CNTNAP5: variants seen among roughly 807,000 people sequenced by gnomAD.
CNTNAP5 encodes contactin-associated protein-like 5.
A neutral mutation model predicts 150.2 loss-of-function variants in CNTNAP5; 72 were observed. That is an observed-to-expected ratio of 0.48 (90% CI 0.40 to 0.58). CNTNAP5 has a LOEUF of 0.58. Ranked by LOEUF, CNTNAP5 falls within the 20% of genes least tolerant of loss-of-function variation. CNTNAP5 has a pLI of 0.00. For missense variants in CNTNAP5, 1,636 were observed against 1,626.2 expected (o/e 1.01, Z -0.10); for synonymous variants, 672 against 619.8 (o/e 1.08, Z -1.25).
intron 1 of CNTNAP5, among the ~76,000 whole-genome samples, chr2:124,198,794 C>T (rs546473311): frequency 1.3e-5 from 2 of 150,216 alleles, no homozygotes; most frequent in African/African-American, 4.9e-5. Flanking sequence ...ACAATTAAAC[C>T]TTTAGTCTAT....
intron 3 of CNTNAP5, among the ~76,000 whole-genome samples, chr2:124,270,899 G>A (rs759453933): frequency 3.9e-5 from 6 of 151,982 alleles, no homozygotes; most frequent in South Asian, 2.1e-4. Flanking sequence ...ATCACACTAC[G>A]TGCCCCCATG....
At chr2:124,419,247 T>G (rs1430796673) in intron 4 of CNTNAP5, among the ~76,000 whole-genome samples, 1 of 151,560 alleles carries the variant, frequency 6.6e-6, no homozygotes, top group East Asian at 1.9e-4. Context: ...ATCTTATTAC[T>G]CTTTAACATG....
At chr2:124,388,830 A>T (rs1691002204) in intron 3 of CNTNAP5, among the ~76,000 whole-genome samples, 1 of 151,900 alleles carries the variant, frequency 6.6e-6, no homozygotes, top group Non-Finnish European at 1.5e-5. Context: ...GTGGGTGCCC[A>T]TTGTCATGCC....
intron 7 of CNTNAP5, among the ~76,000 whole-genome samples, chr2:124,497,036 CA>C (rs1211657610): frequency 2.6e-5 from 4 of 152,174 alleles, no homozygotes; most frequent in African/African-American, 9.7e-5. Flanking sequence ...AGCTGGTAAG[CA>C]GTGTTTGAAG....
At chr2:124,899,454 T>C (rs867318392) in intron 21 of CNTNAP5, among the ~76,000 whole-genome samples, 1 of 151,544 alleles carries the variant, frequency 6.6e-6, no homozygotes, top group Admixed American at 6.6e-5. Context: ...GAACCTTATT[T>C]TGATGATATT....
intron 10 of CNTNAP5, among the ~76,000 whole-genome samples, chr2:124,558,898 C>T (rs1695823277): frequency 1.3e-5 from 2 of 152,210 alleles, no homozygotes; most frequent in African/African-American, 2.4e-5. Context: ...AGTTTACATA[C>T]TCAGAAATGT....
chr2:124,353,272 C>T (rs1003515177), intron 3 of CNTNAP5, among the ~76,000 whole-genome samples: 1 of 26,714 alleles, frequency 3.7e-5, no homozygotes, highest in Non-Finnish European at 7.4e-5. Context: ...CTCACTAAAA[C>T]AACAAAAACA....
intron 21 of CNTNAP5, among the ~76,000 whole-genome samples, chr2:124,894,531 G>T (rs1322034910): frequency 6.6e-6 from 1 of 150,642 alleles, no homozygotes; most frequent in Non-Finnish European, 1.5e-5. Flanking sequence ...TGCAAATCCT[G>T]CTGTTTTTTA....
In CNTNAP5 at chr2:124,475,176, G is replaced by A. The variant is rs570100151; in HGVS notation, c.1062+294G>A. ...TTTGCAGTCTATATTGGGACAACAT[G>A]AATTTTTTATTATCTCTGGAATATG... On this transcript the variant is annotated intron_variant, in intron 7 of 23. Coordinates refer to ENST00000682447, the MANE Select transcript of CNTNAP5 (RefSeq NM_001367498.1). Among the ~76,000 whole-genome samples, 53 of 151,812 alleles carry A rather than the reference G, an allele frequency of 3.5e-4. 1 individual carries two copies. In the South Asian group the frequency reaches 4.4e-3, roughly 12 times the overall value.
At chr2:124,694,721 T>G (rs563656553) in intron 13 of CNTNAP5, among the ~76,000 whole-genome samples, 7 of 152,316 alleles carry the variant, frequency 4.6e-5, no homozygotes, top group African/African-American at 1.7e-4. Context: ...CATGCTATTC[T>G]TACTGTACAT....
intron 4 of CNTNAP5, among the ~76,000 whole-genome samples, chr2:124,432,322 G>A (rs139794096): frequency 3.3e-5 from 5 of 152,172 alleles, no homozygotes; most frequent in African/African-American, 9.6e-5. Flanking sequence ...CATCATGCTG[G>A]CCTCCTGCAG....
chr2:124,103,526 C>T (rs1236636976), intron 1 of CNTNAP5, among the ~76,000 whole-genome samples: 1 of 151,680 alleles, frequency 6.6e-6, no homozygotes, highest in Non-Finnish European at 1.5e-5. Context: ...ATTTTATGCT[C>T]TATTGTTACT....
intron 12 of CNTNAP5, among the ~76,000 whole-genome samples, chr2:124,614,888 G>A (rs72841388): frequency 0.021 from 3,216 of 152,042 alleles, 40 homozygotes; most frequent in Middle Eastern, 0.038. Flanking sequence ...TATTCAAGAC[G>A]GAGTCACTCT....
chr2:124,040,078 T>A (rs886088876), intron 1 of CNTNAP5, among the ~76,000 whole-genome samples: 1 of 152,198 alleles, frequency 6.6e-6, no homozygotes, highest in South Asian at 2.1e-4. Context: ...GAAATTAATA[T>A]CTACTTATTT....
intron 3 of CNTNAP5, among the ~76,000 whole-genome samples, chr2:124,294,668 G>T (rs140530591): frequency 3.3e-5 from 5 of 152,308 alleles, no homozygotes; most frequent in African/African-American, 1.2e-4. Flanking sequence ...TGAGGAGCTC[G>T]AATTTGATGC....
intron 12 of CNTNAP5, among the ~76,000 whole-genome samples, chr2:124,616,342 T>C (rs373665588): frequency 1.4e-4 from 21 of 152,332 alleles, no homozygotes; most frequent in East Asian, 1.4e-3. Flanking sequence ...AGATGGCTTC[T>C]TTAATTAAAC....
intron 19 of CNTNAP5, among the ~76,000 whole-genome samples, chr2:124,856,049 C>T (rs1039054783): frequency 1.3e-5 from 2 of 150,074 alleles, no homozygotes; most frequent in African/African-American, 4.9e-5. Context: ...TTATTTGTTC[C>T]TTCTTATGGC....
chr2:124,198,308 T>C (rs976362746), intron 1 of CNTNAP5, among the ~76,000 whole-genome samples: 1 of 152,204 alleles, frequency 6.6e-6, no homozygotes, highest in African/African-American at 2.4e-5. Flanking sequence ...GTCAGTTATA[T>C]GGTTGCCAAA....
chr2:124,586,386 G>T (rs1307820429), intron 11 of CNTNAP5, among the ~76,000 whole-genome samples: 1 of 152,206 alleles, frequency 6.6e-6, no homozygotes, highest in East Asian at 1.9e-4. Flanking sequence ...CATGAGGACA[G>T]CTTAGCTACT....
Sources: allele counts gnomAD v4.1 joint callset (sites outside exome capture counted in the v4.1 genomes callset), GRCh38; gene constraint gnomAD v4.1.1; transcripts MANE v1.5; gene names NCBI Gene and HGNC (gene_info 2026-07-23, HGNC 2026-07-21).